Variants in ZPBP observed in about 807,000 individuals in gnomAD.
ZPBP encodes the protein zona pellucida binding protein.
ZPBP carries 26 observed loss-of-function variants against 44.8 expected under a neutral mutation model. The observed-to-expected ratio is 0.58, with a 90% CI of 0.43 to 0.81. The LOEUF is 0.81. Ranked by LOEUF, ZPBP falls within the 30% of genes least tolerant of loss-of-function variation. The pLI is 0.00. For missense variants in ZPBP, 409 were observed against 434.0 expected (o/e 0.94, Z 0.51); for synonymous variants, 174 against 153.2 (o/e 1.14, Z -1.00).
At position 49,879,749 on chromosome 7, in the gene ZPBP, TTTA is replaced by T. The variant is rs548440194; in HGVS notation, n.509+21366_509+21368del. Among the ~76,000 whole-genome samples the T allele has an allele frequency of 6.2e-3, 940 of 152,316 alleles. 7 individuals carry two copies. Among genetic ancestry groups the T allele is most frequent in the African/African-American group, 0.021 (877 of 41,576 alleles). On this transcript the variant is annotated intron_variant and non_coding_transcript_variant, in intron 2 of 2. Coordinates refer to the ZPBP transcript ENST00000465922. ...TTTTATTTCTTTCCATGGTTATTTT[TTTA>T]AATAGGCCCTTTGCTATCTTGGCTA...
chr7:49,956,215 T>C (rs925552606), intron 7 of ZPBP, among the ~76,000 whole-genome samples: 2 of 152,100 alleles, frequency 1.3e-5, no homozygotes, highest in African/African-American at 2.4e-5. Context: ...TTATTTCCAT[T>C]ATTATCTAGA....
At chr7:50,051,501 C>T (rs532161258) in intron 4 of ZPBP, among the ~76,000 whole-genome samples, 5 of 152,028 alleles carry the variant, frequency 3.3e-5, no homozygotes, top group Admixed American at 3.3e-4. Flanking sequence ...CATTGAAGCA[C>T]TATTCATTGA....
chr7:50,072,479 T>C (rs577786739), intron 3 of ZPBP, among the ~76,000 whole-genome samples: 3 of 152,336 alleles, frequency 2.0e-5, no homozygotes, highest in Admixed American at 6.5e-5. Flanking sequence ...TTCCTGCTGA[T>C]TGGAGAGCCC....
intron 1 of ZPBP, chr7:49,914,238 A>G (rs1376829969): frequency 6.6e-6 from 1 of 152,258 alleles, no homozygotes; most frequent in Non-Finnish European, 1.5e-5. Context: ...TGCAGCTCAA[A>G]GTCTTCCTGT....
chr7:50,077,779 G>T (rs1802169923), intron 3 of ZPBP, among the ~76,000 whole-genome samples: 1 of 151,786 alleles, frequency 6.6e-6, no homozygotes, highest in South Asian at 2.1e-4. Context: ...GGGAACCCTT[G>T]TACACTGTTG....
chr7:49,955,541 AGC>A (rs1380971302), intron 7 of ZPBP, among the ~76,000 whole-genome samples: 1 of 152,104 alleles, frequency 6.6e-6, no homozygotes, highest in Non-Finnish European at 1.5e-5. Context: ...TGGGCAAGAG[AGC>A]GAGACTCTGT....
intron 3 of ZPBP, among the ~76,000 whole-genome samples, chr7:50,060,772 A>C (rs1264206394): frequency 6.6e-6 from 1 of 152,194 alleles, no homozygotes; most frequent in South Asian, 2.1e-4. Flanking sequence ...AAACTATCCC[A>C]AAAAATTGAG....
chr7:50,044,334 G>C lies in ZPBP; in HGVS notation c.488-13024C>G, dbSNP rs577995817. Among the ~76,000 whole-genome samples, 4 of 152,194 alleles carry C rather than the reference G, an allele frequency of 2.6e-5. No homozygotes were observed. The East Asian group carries it at 7.7e-4, about 29-fold the overall frequency. On this transcript the variant is annotated intron_variant, in intron 4 of 7. Transcript: ENST00000046087. ...CTAAGATCAGAGCAGAACTAAAGGAGATACAAACATGAAAAACTCTCCAAA... is the reference window on the plus strand; with the variant it reads ...CTAAGATCAGAGCAGAACTAAAGGACATACAAACATGAAAAACTCTCCAAA...
At chr7:50,066,884 C>T (rs1002755085) in intron 3 of ZPBP, among the ~76,000 whole-genome samples, 9 of 152,044 alleles carry the variant, frequency 5.9e-5, no homozygotes, top group Non-Finnish European at 1.2e-4. Flanking sequence ...TCGGGTCGGG[C>T]GATCTGGGTC....
intron 7 of ZPBP, among the ~76,000 whole-genome samples, chr7:49,946,657 T>C (rs1480995162): frequency 6.6e-6 from 1 of 152,140 alleles, no homozygotes; most frequent in Non-Finnish European, 1.5e-5. Context: ...AGGTTGACTA[T>C]TAAATGTCTT....
downstream of ZPBP, among the ~76,000 whole-genome samples, chr7:49,846,767 A>G (rs528302978): frequency 6.6e-6 from 1 of 152,204 alleles, no homozygotes; most frequent in African/African-American, 2.4e-5. Flanking sequence ...TAATTTCCTG[A>G]TATAGGAATG....
intron 2 of ZPBP, among the ~76,000 whole-genome samples, chr7:49,881,904 C>T (rs879815895): frequency 1.3e-5 from 2 of 151,908 alleles, no homozygotes; most frequent in African/African-American, 4.8e-5. Flanking sequence ...ATTAGGTATA[C>T]TCAATTTCCA....
In ZPBP at chr7:49,928,491, C is replaced by G. The variant is rs78270875; in HGVS notation, n.411+7260G>C. On this transcript the variant is annotated intron_variant and non_coding_transcript_variant, in intron 1 of 2. Transcript: ENST00000465922. ...TATCTATTGATATTTCTCTTCCCCA[C>G]TCTCCTTCAGGACCACCCCTGTGGG... is the stretch of plus-strand genomic sequence containing the variant. 5.3e-3 allele frequency among the ~76,000 whole-genome samples: 809 copies of G among 152,316 alleles called. 4 individuals carry two copies. Among genetic ancestry groups the G allele is most frequent in the Middle Eastern group, 0.01 (3 of 294 alleles).
At position 49,954,712 on chromosome 7, in the gene ZPBP, T is replaced by C. The variant is rs142132007; in HGVS notation, c.962-17090A>G. 1.5e-3 allele frequency among the ~76,000 whole-genome samples: 231 copies of C among 152,266 alleles called. 3 individuals carry two copies. The highest frequency in any genetic ancestry group is 5.3e-3 in the African/African-American group (221 of 41,528). On this transcript the variant is annotated intron_variant, in intron 7 of 7. Coordinates refer to ENST00000046087, the MANE Select transcript of ZPBP (RefSeq NM_007009.3). ...CAATTCTAAATGTCTATTTAACTAG[T>C]TACTGAGTTTCAAATATGTGGCAAA...
chr7:49,856,490 T>C (rs976944115), intron 2 of ZPBP, among the ~76,000 whole-genome samples: 1 of 152,196 alleles, frequency 6.6e-6, no homozygotes, highest in African/African-American at 2.4e-5. Flanking sequence ...ACTTCTTTTC[T>C]TTAAAAATTA....
At chr7:50,017,593 T>G (rs1437673684) in intron 6 of ZPBP, among the ~76,000 whole-genome samples, 2 of 152,130 alleles carry the variant, frequency 1.3e-5, no homozygotes, top group East Asian at 1.9e-4. Context: ...ATAATGGATA[T>G]TGATCTCTGT....
chr7:50,025,905 T>C (rs886174846), intron 5 of ZPBP, among the ~76,000 whole-genome samples: 4 of 151,840 alleles, frequency 2.6e-5, no homozygotes, highest in Non-Finnish European at 5.9e-5. Flanking sequence ...AGTGGTTTAA[T>C]TTAAAGGCAC....
intron 4 of ZPBP, among the ~76,000 whole-genome samples, chr7:50,031,815 T>C (rs191890411): frequency 6.6e-6 from 1 of 152,024 alleles, no homozygotes; most frequent in East Asian, 1.9e-4. Context: ...GAGTACAACA[T>C]CTGGAACTGA....
chr7:50,020,589 T>C (rs944198635), intron 5 of ZPBP, among the ~76,000 whole-genome samples: 1 of 152,130 alleles, frequency 6.6e-6, no homozygotes, highest in African/African-American at 2.4e-5. Flanking sequence ...CCTCTTTATT[T>C]AGGCTAGTTG....
Sources: gnomAD v4.1 joint callset for allele counts (sites outside exome capture counted in the v4.1 genomes callset) on GRCh38, gnomAD v4.1.1 for gene constraint, MANE v1.5 for transcripts, NCBI Gene and HGNC (gene_info 2026-07-23, HGNC 2026-07-21) for gene names.